Variants in TRPM8 observed in about 807,000 individuals in gnomAD.
The protein encoded by TRPM8 is TRPM8 cationic channel.
Under a neutral mutation model 133.7 loss-of-function variants are expected in TRPM8, and 110 were observed. The ratio of observed to expected loss-of-function variants is 0.82; its 90% CI spans 0.70 to 0.96. The LOEUF (loss-of-function observed/expected upper bound fraction) is 0.96. Ranked by LOEUF, TRPM8 falls within the 40% of genes least tolerant of loss-of-function variation. The pLI is 0.00. For missense variants in TRPM8, 1,291 were observed against 1,379.5 expected (o/e 0.94, Z 1.02); for synonymous variants, 535 against 532.3 (o/e 1.01, Z -0.07).
intron 5 of TRPM8, among the ~76,000 whole-genome samples, chr2:233,940,453 G>A (rs1489921064): frequency 6.6e-6 from 1 of 152,072 alleles, no homozygotes; most frequent in Non-Finnish European, 1.5e-5. Context: ...CACCTTATTC[G>A]TTCATTAAAC....
intron 17 of TRPM8, among the ~76,000 whole-genome samples, chr2:233,971,727 G>A (rs1411836611): frequency 6.6e-6 from 1 of 152,118 alleles, no homozygotes; most frequent in East Asian, 1.9e-4. Flanking sequence ...CAGGAGTGAA[G>A]CTGCAGACCT....
At chr2:234,000,315 T>C (rs937218492) in intron 22 of TRPM8, among the ~76,000 whole-genome samples, 1 of 152,112 alleles carries the variant, frequency 6.6e-6, no homozygotes, top group Non-Finnish European at 1.5e-5. Context: ...TTCACTATGT[T>C]GGCCAGGCTC....
chr2:234,009,868 A>G (rs1405213839), intron 24 of TRPM8, among the ~76,000 whole-genome samples: 1 of 152,182 alleles, frequency 6.6e-6, no homozygotes, highest in East Asian at 1.9e-4. Flanking sequence ...AAAATGTACA[A>G]TTTGATGCTT....
In TRPM8 at chr2:233,950,099, ACGGTGTCC is replaced by A. The variant is rs1559525521; in HGVS notation, c.1097_1104del (p.Val366AlafsTer3). The A allele has an allele frequency of 1.2e-6, 2 of 1,613,704 alleles. No homozygotes were observed. Among genetic ancestry groups the A allele is most frequent in the East Asian group, 4.5e-5 (2 of 44,882 alleles). ...GAAGCTGGTGCGCTTTTTACCCCGC[ACGGTGTCC>A]CGGCTGCCTGAGGAGGAGACTGAGA... is the stretch of plus-strand genomic sequence containing the variant. On this transcript the variant is annotated frameshift_variant, in exon 9 of 26. Coordinates refer to ENST00000324695, the MANE Select transcript of TRPM8 (RefSeq NM_024080.5). LOFTEE classifies it high-confidence loss of function.
intron 7 of TRPM8, 192 bp downstream of exon 7, chr2:233,946,222 T>C: frequency 1.8e-6 from 1 of 546,210 alleles, no homozygotes; most frequent in Non-Finnish European, 3.2e-6. Flanking sequence ...GTCAATGTGG[T>C]ATGTACCCTT....
intron 11 of TRPM8, among the ~76,000 whole-genome samples, chr2:233,956,930 A>G (rs1691308263): frequency 6.6e-6 from 1 of 152,226 alleles, no homozygotes; most frequent in South Asian, 2.1e-4. Context: ...AGATGGTACA[A>G]ATAAACTTAG....
intron 11 of TRPM8, among the ~76,000 whole-genome samples, chr2:233,958,948 C>A (rs554823351): frequency 6.9e-6 from 1 of 144,508 alleles, no homozygotes; most frequent in Non-Finnish European, 1.5e-5. Context: ...GCCAAGGCTC[C>A]GGGAAGCAGC....
chr2:233,984,112 C>G (rs1350187884), intron 20 of TRPM8, among the ~76,000 whole-genome samples: 1 of 152,200 alleles, frequency 6.6e-6, no homozygotes, highest in Non-Finnish European at 1.5e-5. Flanking sequence ...CCATGAGGAT[C>G]TAAAGAGGAA....
intron 2 of TRPM8, chr2:233,929,774 C>T (rs559049266): frequency 5.9e-5 from 9 of 152,316 alleles, no homozygotes; most frequent in African/African-American, 2.2e-4. Context: ...CAATAGTGGA[C>T]AATATTCAGG....
chr2:233,927,958 C>CTCTCTCTCTT (rs1691598893), intron 2 of TRPM8, among the ~76,000 whole-genome samples: 1 of 62,384 alleles, frequency 1.6e-5, no homozygotes, highest in Admixed American at 1.7e-4. Flanking sequence ...CTCTCTCTCT[C>CTCTCTCTCTT]TCTTTCTTTC....
In TRPM8 at chr2:233,942,623, A is replaced by G. The variant is rs776604884; in HGVS notation, c.574A>G (p.Ile192Val). 3 of 1,614,102 alleles carry G rather than the reference A, an allele frequency of 1.9e-6. No individual in the cohort carries two copies. The highest frequency in any genetic ancestry group is 2.7e-5 in the African/African-American group (2 of 74,938). Reference sequence around the variant, plus strand: ...CACCCATTATGGCCTGATGAAGTACATCGGGGAGGTGGTGAGAGATAACAC... The same window carrying G: ...CACCCATTATGGCCTGATGAAGTACGTCGGGGAGGTGGTGAGAGATAACAC... ...GGTHYGLMKY[I>V]GEVVRDNTIS... The change falls in exon 6 of 26, where the codon ATC becomes GTC. Residue 192 changes from isoleucine (I) to valine (V), a missense_variant. Coordinates refer to ENST00000324695, the MANE Select transcript of TRPM8 (RefSeq NM_024080.5).
chr2:233,927,487 C>T (rs1313671858), intron 2 of TRPM8, among the ~76,000 whole-genome samples: 1 of 152,188 alleles, frequency 6.6e-6, no homozygotes, highest in African/African-American at 2.4e-5. Context: ...CCTGCACTTG[C>T]ATGCCTTGGG....
At chr2:233,963,196 T>A (rs1350455785) in intron 12 of TRPM8, 86 bp from the exon 13 acceptor site, 1 of 802,268 alleles carries the variant, frequency 1.2e-6, no homozygotes, top group Non-Finnish European at 2.0e-6. Context: ...CACAGAGCCC[T>A]CCAAACATGG....
chr2:233,975,167 A>G (rs1392813490), intron 17 of TRPM8, among the ~76,000 whole-genome samples: 2 of 117,458 alleles, frequency 1.7e-5, no homozygotes, highest in Admixed American at 1.8e-4. Flanking sequence ...TTAGATGTTT[A>G]TTTCTTATTC....
chr2:233,957,328 C>CA (rs200399380), intron 11 of TRPM8, among the ~76,000 whole-genome samples: 9,423 of 146,412 alleles, frequency 0.064, 964 homozygotes, highest in African/African-American at 0.24. Context: ...TCTGCCCCCC[C>CA]CAAAAAAAAA....
intron 22 of TRPM8, among the ~76,000 whole-genome samples, chr2:234,006,330 C>G (rs1367352190): frequency 6.6e-6 from 1 of 152,188 alleles, no homozygotes; most frequent in African/African-American, 2.4e-5. Flanking sequence ...AATCTTACGG[C>G]ATGCCCTATC....
At chr2:233,935,113 A>T (rs1243310561) in intron 3 of TRPM8, among the ~76,000 whole-genome samples, 2 of 152,256 alleles carry the variant, frequency 1.3e-5, no homozygotes, top group South Asian at 4.1e-4. Flanking sequence ...AAAGAAGACC[A>T]ATCAATGTAT....
chr2:233,952,060 G>T (rs2125135469), intron 9 of TRPM8, among the ~76,000 whole-genome samples: 1 of 152,200 alleles, frequency 6.6e-6, no homozygotes, highest in African/African-American at 2.4e-5. Context: ...AACTTCTCGA[G>T]AACTTGACTC....
rs1691036165 is a variant in TRPM8 at position 233,946,046 on chromosome 2, G to A, written c.874+16G>A. On this transcript the variant is annotated intron_variant, in intron 7 of 25. Transcript: ENST00000324695. ...ACTATTCAAGGTCAGTGGTTAGGAG[G>A]TAGGACACTAGAAGTGTACAATAAC... 3.1e-6 allele frequency: 5 copies of A among 1,612,204 alleles called. No individual in the cohort carries two copies. The highest frequency in any genetic ancestry group is 2.7e-5 in the African/African-American group (2 of 74,914).
Sources: allele counts gnomAD v4.1 joint callset (sites outside exome capture counted in the v4.1 genomes callset), GRCh38; gene constraint gnomAD v4.1.1; transcripts MANE v1.5; gene names NCBI Gene and HGNC (gene_info 2026-07-23, HGNC 2026-07-21).